FSTL5: variants seen among roughly 807,000 people sequenced by gnomAD.
FSTL5 encodes the protein follistatin like 5.
FSTL5 carries 62 observed loss-of-function variants against 89.1 expected under a neutral mutation model. The ratio of observed to expected loss-of-function variants is 0.70; its 90% confidence interval spans 0.57 to 0.86. The LOEUF is 0.86. Ranked by LOEUF, FSTL5 falls within the 40% of genes least tolerant of loss-of-function variation. The probability of loss-of-function intolerance (pLI) is 0.00; values close to 1 mark genes in which losing one functional copy is unlikely to be tolerated. For missense variants in FSTL5, 1,057 were observed against 1,001.6 expected, an observed-to-expected ratio of 1.06 and a Z score of -0.75; for synonymous variants, 383 against 346.2, an observed-to-expected ratio of 1.11 and a Z score of -1.18.
intron 7 of FSTL5, among the ~76,000 whole-genome samples, chr4:161,590,653 A>C (rs2126610674): frequency 6.6e-6 from 1 of 152,364 alleles, no homozygotes; most frequent in East Asian, 1.9e-4. Flanking sequence ...CATGTTCAGC[A>C]TTACTAGTCA....
At chr4:162,024,206 C>T (rs991568716) in intron 3 of FSTL5, among the ~76,000 whole-genome samples, 1 of 152,110 alleles carries the variant, frequency 6.6e-6, no homozygotes, top group Non-Finnish European at 1.5e-5. Context: ...AATATACTTG[C>T]ATATGTAAAA....
intron 3 of FSTL5, among the ~76,000 whole-genome samples, chr4:162,027,020 G>A (rs1737321049): frequency 6.6e-6 from 1 of 152,142 alleles, no homozygotes; most frequent in Non-Finnish European, 1.5e-5. Flanking sequence ...AAAATGGGGA[G>A]AGAAAGATTA....
chr4:161,532,131 G>A (rs994112918), intron 10 of FSTL5, among the ~76,000 whole-genome samples: 2 of 151,778 alleles, frequency 1.3e-5, no homozygotes, highest in African/African-American at 4.8e-5. Flanking sequence ...CATGAACCCG[G>A]GAGGCAGAGC....
intron 1 of FSTL5, among the ~76,000 whole-genome samples, chr4:162,140,080 T>C (rs888474426): frequency 1.3e-5 from 2 of 152,246 alleles, no homozygotes; most frequent in Admixed American, 1.3e-4. Flanking sequence ...ATTAGGAATA[T>C]ATTGTTACAC....
intron 4 of FSTL5, among the ~76,000 whole-genome samples, chr4:161,837,325 T>G (rs982902982): frequency 1.3e-5 from 2 of 152,024 alleles, no homozygotes; most frequent in Non-Finnish European, 2.9e-5. Flanking sequence ...TAACAAGTGT[T>G]AGGGAAATTT....
At chr4:161,703,554 T>C (rs895655936) in intron 6 of FSTL5, among the ~76,000 whole-genome samples, 5 of 152,082 alleles carry the variant, frequency 3.3e-5, no homozygotes, top group African/African-American at 1.2e-4. Flanking sequence ...GTAGTTTTGT[T>C]CCCTCCATAT....
At chr4:161,800,117 T>C (rs1007448612) in intron 4 of FSTL5, among the ~76,000 whole-genome samples, 1 of 151,680 alleles carries the variant, frequency 6.6e-6, no homozygotes, top group African/African-American at 2.4e-5. Flanking sequence ...CTCATCTTCA[T>C]CCTGACTGCT....
intron 6 of FSTL5, among the ~76,000 whole-genome samples, chr4:161,736,006 G>A (rs563702365): frequency 1.3e-5 from 2 of 152,094 alleles, no homozygotes; most frequent in Admixed American, 6.6e-5. Context: ...AACTGATATG[G>A]GCTGATCTAT....
At chr4:161,858,065 G>T (rs1188125879) in intron 4 of FSTL5, among the ~76,000 whole-genome samples, 4 of 152,132 alleles carry the variant, frequency 2.6e-5, no homozygotes, top group Non-Finnish European at 5.9e-5. Context: ...AGGAGGTGGG[G>T]CCTTTGGGGA....
intron 4 of FSTL5, among the ~76,000 whole-genome samples, chr4:161,872,576 A>G (rs143437702): frequency 3.6e-4 from 55 of 152,276 alleles, no homozygotes; most frequent in African/African-American, 1.3e-3. Flanking sequence ...AACATTTACT[A>G]CACGCCAGGC....
intron 2 of FSTL5, among the ~76,000 whole-genome samples, chr4:162,091,648 T>C (rs998563994): frequency 1.3e-5 from 2 of 152,054 alleles, no homozygotes; most frequent in Non-Finnish European, 2.9e-5. Flanking sequence ...GCCTGATGAG[T>C]TTTAAGTTTG....
At chr4:162,103,769 A>T (rs1731095182) in intron 2 of FSTL5, among the ~76,000 whole-genome samples, 1 of 152,194 alleles carries the variant, frequency 6.6e-6, no homozygotes, top group Non-Finnish European at 1.5e-5. Flanking sequence ...TGGGAAGGTG[A>T]CAGCATCCAC....
intron 4 of FSTL5, among the ~76,000 whole-genome samples, chr4:161,826,723 T>C (rs1730680809): frequency 2.0e-5 from 3 of 152,220 alleles, no homozygotes; most frequent in Admixed American, 2.0e-4. Flanking sequence ...TGCTCACTTT[T>C]GGTGTCCATC....
At chr4:161,934,324 G>A (rs1485963005) in intron 3 of FSTL5, among the ~76,000 whole-genome samples, 1 of 152,016 alleles carries the variant, frequency 6.6e-6, no homozygotes, top group African/African-American at 2.4e-5. Context: ...AAACTCAGGG[G>A]ATCTTAATTT....
intron 6 of FSTL5, among the ~76,000 whole-genome samples, chr4:161,755,632 T>C (rs1740541635): frequency 6.6e-6 from 1 of 152,080 alleles, no homozygotes; most frequent in Non-Finnish European, 1.5e-5. Context: ...GAGGAAGGCA[T>C]CCTGGATGTG....
intron 3 of FSTL5, among the ~76,000 whole-genome samples, chr4:161,969,656 T>C (rs938436244): frequency 6.6e-6 from 1 of 152,128 alleles, no homozygotes; most frequent in African/African-American, 2.4e-5. Context: ...ATGCAACCAG[T>C]TGTATAATCC....
intron 15 of FSTL5, among the ~76,000 whole-genome samples, chr4:161,422,249 T>C (rs1052086903): frequency 1.3e-5 from 2 of 152,200 alleles, no homozygotes; most frequent in Middle Eastern, 3.4e-3. Context: ...TTGTAAAGGA[T>C]TGTTTAGAAC....
intron 3 of FSTL5, among the ~76,000 whole-genome samples, chr4:161,998,986 G>A (rs184377800): frequency 6.6e-5 from 10 of 151,968 alleles, no homozygotes; most frequent in East Asian, 1.9e-4. Flanking sequence ...TAGTTGTGCC[G>A]AAACTCCAAA....
chr4:161,887,948 T>G (rs185129818), intron 4 of FSTL5, among the ~76,000 whole-genome samples: 2 of 152,180 alleles, frequency 1.3e-5, no homozygotes, highest in Non-Finnish European at 1.5e-5. Flanking sequence ...TTTCTCTTTA[T>G]CCTTTTTTCT....
Sources: allele counts gnomAD v4.1 joint callset (sites outside exome capture counted in the v4.1 genomes callset), GRCh38; gene constraint gnomAD v4.1.1; transcripts MANE v1.5; gene names NCBI Gene and HGNC (gene_info 2026-07-23, HGNC 2026-07-21).